The following UNC80 variants were observed in gnomAD, a reference collection of about 807,000 sequenced individuals.
The protein encoded by UNC80 is protein unc-80 homolog.
UNC80 carries 164 observed loss-of-function variants against 384.6 expected under a neutral mutation model. That is an observed-to-expected ratio of 0.43 (90% CI 0.38 to 0.49). The LOEUF (loss-of-function observed/expected upper bound fraction) is 0.49. UNC80 is among the 20% of genes least tolerant of loss of function. The pLI, the probability that UNC80 is intolerant of heterozygous loss-of-function variation, is 0.00. For missense variants in UNC80, 3,330 were observed against 4,143.0 expected (o/e 0.80, Z 5.39); for synonymous variants, 1,486 against 1,527.8 (o/e 0.97, Z 0.64).
intron 22 of UNC80, among the ~76,000 whole-genome samples, chr2:209,859,241 G>T (rs2083177769): frequency 6.6e-6 from 1 of 152,086 alleles, no homozygotes; most frequent in South Asian, 2.1e-4. Context: ...CTGTGCCCAT[G>T]TGTCCTCATT....
In UNC80 at chr2:209,789,558, CA is replaced by C; in HGVS notation, c.754del (p.Ser252AlafsTer14). The C allele has an allele frequency of 6.2e-7, 1 of 1,613,542 alleles. No individual in the cohort carries two copies. Reference protein sequence around the residue: ...TAKRSSPINSQSRTCESPNQD... With the variant: ...TAKRSSPINSXSRTCESPNQD... Reference sequence around the variant, plus strand: ...TAAGAGAAGTTCTCCTATCAACAGTCAAAGCCGGACCTGTGAATCACCAAAT... The same window carrying C: ...TAAGAGAAGTTCTCCTATCAACAGTCAAGCCGGACCTGTGAATCACCAAAT... On this transcript the variant is annotated frameshift_variant, in exon 6 of 65. Transcript: ENST00000673920. LOFTEE classifies it high-confidence loss of function.
intron 22 of UNC80, among the ~76,000 whole-genome samples, chr2:209,854,715 T>C (rs1156772154): frequency 6.6e-6 from 1 of 152,152 alleles, no homozygotes; most frequent in African/African-American, 2.4e-5. Flanking sequence ...TCATTGATCA[T>C]CAGAGAAATA....
At chr2:209,824,482 C>A in intron 13 of UNC80, among the ~76,000 whole-genome samples, 1 of 152,074 alleles carries the variant, frequency 6.6e-6, no homozygotes, top group East Asian at 1.9e-4. Flanking sequence ...GCAAAGAGAC[C>A]TTTTTAGCAA....
At chr2:209,790,277 A>G (rs1489072295) in intron 6 of UNC80, among the ~76,000 whole-genome samples, 1 of 152,178 alleles carries the variant, frequency 6.6e-6, no homozygotes, top group African/African-American at 2.4e-5. Context: ...TTTCAATTCA[A>G]CACGTGCAAA....
intron 22 of UNC80, among the ~76,000 whole-genome samples, chr2:209,864,953 G>A (rs2083612486): frequency 6.6e-6 from 1 of 152,230 alleles, no homozygotes; most frequent in Non-Finnish European, 1.5e-5. Flanking sequence ...CTGGGGTTGC[G>A]ATGCTAGGCT....
At chr2:209,858,370 C>T (rs562207513) in intron 22 of UNC80, among the ~76,000 whole-genome samples, 1 of 151,988 alleles carries the variant, frequency 6.6e-6, no homozygotes, top group Non-Finnish European at 1.5e-5. Context: ...CCTTTACTTT[C>T]AACTTTTCTA....
intron 7 of UNC80, among the ~76,000 whole-genome samples, chr2:209,799,846 C>T (rs1406276037): frequency 1.3e-5 from 2 of 152,076 alleles, no homozygotes; most frequent in African/African-American, 2.4e-5. Flanking sequence ...TTTTGTCTTT[C>T]GTTCTGTTTA....
At chr2:209,884,547 A>G (rs1180558839) in intron 25 of UNC80, among the ~76,000 whole-genome samples, 2 of 152,182 alleles carry the variant, frequency 1.3e-5, no homozygotes, top group Admixed American at 6.5e-5. Context: ...ACAAAAATTA[A>G]CTCAAGATGG....
chr2:209,942,430 TGTG>T (rs2091690082), intron 44 of UNC80, among the ~76,000 whole-genome samples: 3 of 152,204 alleles, frequency 2.0e-5, no homozygotes, highest in Admixed American at 2.0e-4. Context: ...TCCCAGTAAA[TGTG>T]GTGTGTTGGG....
intron 48 of UNC80, among the ~76,000 whole-genome samples, chr2:209,955,739 A>ATG (rs2092388092): frequency 1.3e-4 from 9 of 69,870 alleles, no homozygotes; most frequent in Admixed American, 4.3e-4. Flanking sequence ...ATATATATAT[A>ATG]CACACACACA....
chr2:209,945,884 C>T lies in UNC80; in HGVS notation c.7227C>T (p.Ile2409=). Residue 2409 remains isoleucine, a synonymous_variant, in exon 47 of 65, where the codon ATC becomes ATT. Transcript: ENST00000673920. ...CYGNEDLTFS[I]SEAIKLCVTV... ...GAAACGAAGATCTGACATTTTCTAT[C>T]AGTGAAGCCATTAAGCTCTGTGTCA... is the stretch of plus-strand genomic sequence containing the variant. The T allele has an allele frequency of 6.4e-7, 1 of 1,551,962 alleles. No homozygotes were observed. The highest frequency in any genetic ancestry group is 8.7e-7 in the Non-Finnish European group (1 of 1,146,980).
intron 16 of UNC80, 136 bp downstream of exon 16, chr2:209,831,727 G>C (rs1001532387): frequency 1.1e-5 from 11 of 1,005,516 alleles, no homozygotes; most frequent in Non-Finnish European, 1.5e-5. Context: ...ATTTTCCCCG[G>C]TGTCACCAGT....
chr2:209,850,998 T>C (rs1181827757), intron 22 of UNC80, among the ~76,000 whole-genome samples: 1 of 151,912 alleles, frequency 6.6e-6, no homozygotes, highest in East Asian at 1.9e-4. Flanking sequence ...AATAAATAAA[T>C]GCAACAAATT....
At chr2:209,943,792 CTGGT>C (rs1465838636) in intron 45 of UNC80, among the ~76,000 whole-genome samples, 1 of 152,156 alleles carries the variant, frequency 6.6e-6, no homozygotes, top group Admixed American at 6.5e-5. Flanking sequence ...TGGGCTTTCT[CTGGT>C]TGGTCCTAAG....
intron 25 of UNC80, among the ~76,000 whole-genome samples, chr2:209,885,095 A>C (rs969664775): frequency 6.6e-5 from 10 of 152,066 alleles, no homozygotes; most frequent in East Asian, 1.9e-4. Context: ...GAAAAAAAAA[A>C]CACTGGATTT....
intron 27 of UNC80, among the ~76,000 whole-genome samples, chr2:209,895,817 C>T (rs977600809): frequency 1.3e-5 from 2 of 152,260 alleles, no homozygotes; most frequent in Non-Finnish European, 2.9e-5. Flanking sequence ...TCCAAATTTC[C>T]TTAGGTTTTC....
rs2085224525 is a variant in UNC80, at chr2:209,880,827, G to A, written c.3977-134G>A. 15 of 793,636 alleles carry A rather than the reference G, an allele frequency of 1.9e-5. 2 individuals are homozygous for A. The South Asian group carries it at 2.7e-4, about 14-fold the overall frequency. The allele number at this position is 793,636 out of a possible 1,614,324, so 49.2% of individuals were successfully genotyped here. A position where few individuals can be genotyped will look rare whatever the true frequency, so the allele number is the denominator to read the frequency against. ...TAGATGAAGTCCTCATATGTAATTGGATGTTGGACATATATAGGTAACATT... is the reference window on the plus strand; with the variant it reads ...TAGATGAAGTCCTCATATGTAATTGAATGTTGGACATATATAGGTAACATT... On this transcript the variant is annotated intron_variant, in intron 24 of 64. Transcript: ENST00000673920.
chr2:209,882,332 T>C (rs2085375026), intron 25 of UNC80, among the ~76,000 whole-genome samples: 1 of 152,048 alleles, frequency 6.6e-6, no homozygotes, highest in South Asian at 2.1e-4. Context: ...CCAGGCGGTG[T>C]GGGGAGAGGA....
intron 7 of UNC80, among the ~76,000 whole-genome samples, chr2:209,805,608 G>A (rs1326211208): frequency 1.3e-5 from 2 of 152,164 alleles, no homozygotes; most frequent in Admixed American, 6.5e-5. Flanking sequence ...CACCATCTGT[G>A]TCTCTCCATA....
Sources: allele counts gnomAD v4.1 joint callset (sites outside exome capture counted in the v4.1 genomes callset), GRCh38; gene constraint gnomAD v4.1.1; transcripts MANE v1.5; gene names NCBI Gene and HGNC (gene_info 2026-07-23, HGNC 2026-07-21).